The following LHFPL3 variants were observed in gnomAD, a reference collection of about 807,000 sequenced individuals.
LHFPL3 encodes LHFPL tetraspan subfamily member 3.
Under a neutral mutation model 19.3 loss-of-function variants are expected in LHFPL3, and 5 were observed. The ratio of observed to expected loss-of-function variants is 0.26; its 90% CI spans 0.14 to 0.54. The LOEUF (loss-of-function observed/expected upper bound fraction) is 0.54, where lower values mean the gene tolerates loss of function less well. Ranked by LOEUF, LHFPL3 falls within the 20% of genes least tolerant of loss-of-function variation. LHFPL3 has a pLI of 0.94. For missense variants in LHFPL3, 249 were observed against 307.4 expected, an observed-to-expected ratio of 0.81 and a Z score of 1.42; for synonymous variants, 133 against 126.2, an observed-to-expected ratio of 1.05 and a Z score of -0.36.
chr7:104,431,474 C>CTTGCTT (rs748853912), intron 1 of LHFPL3, among the ~76,000 whole-genome samples: 2 of 152,026 alleles, frequency 1.3e-5, no homozygotes, highest in Non-Finnish European at 2.9e-5. Flanking sequence ...TTCTTTGATC[C>CTTGCTT]TTGCTTTTTT....
chr7:104,759,389 A>T (rs1338091032), intron 2 of LHFPL3, among the ~76,000 whole-genome samples: 1 of 152,188 alleles, frequency 6.6e-6, no homozygotes, highest in Non-Finnish European at 1.5e-5. Flanking sequence ...AAAAAGGTGA[A>T]ATTAATTTTA....
intron 2 of LHFPL3, among the ~76,000 whole-genome samples, chr7:104,760,958 A>G (rs1028276615): frequency 1.0e-4 from 15 of 149,388 alleles, no homozygotes; most frequent in African/African-American, 3.2e-4. Context: ...TACTTTGTGC[A>G]TATCATGGAG....
rs1015957011 is a variant in LHFPL3 at position 104,749,260 on chromosome 7, T to C, written c.682+12349T>C. Among the ~76,000 whole-genome samples, 10 of 152,410 alleles carry C rather than the reference T, an allele frequency of 6.6e-5. 1 individual carries two copies. The South Asian group carries it at 2.1e-3, about 32-fold the overall frequency. On this transcript the variant is annotated intron_variant, in intron 2 of 2. Transcript: ENST00000424859. ...CCAGTCCTGCATTGGCAACCTCTGC[T>C]TGCAGAAATGTATAACAGTCAATTA...
At chr7:104,607,490 C>A (rs1791124450) in intron 1 of LHFPL3, among the ~76,000 whole-genome samples, 1 of 152,170 alleles carries the variant, frequency 6.6e-6, no homozygotes, top group African/African-American at 2.4e-5. Flanking sequence ...AAAGGCTTTG[C>A]AAAGCCCCTT....
At chr7:104,633,952 A>G (rs1791689346) in intron 1 of LHFPL3, among the ~76,000 whole-genome samples, 1 of 152,194 alleles carries the variant, frequency 6.6e-6, no homozygotes, top group South Asian at 2.1e-4. Context: ...GGTGTTGGAT[A>G]CAAAGACTTC....
intron 2 of LHFPL3, chr7:104,800,083 T>C (rs1790215284): frequency 6.6e-6 from 1 of 152,554 alleles, no homozygotes; most frequent in Non-Finnish European, 1.5e-5. Flanking sequence ...AAATTTAAAA[T>C]GTTACAAAGG....
chr7:104,384,080 A>G (rs1238686246), intron 1 of LHFPL3, among the ~76,000 whole-genome samples: 1 of 151,764 alleles, frequency 6.6e-6, no homozygotes, highest in African/African-American at 2.4e-5. Flanking sequence ...TTGGAGCAGG[A>G]TGAGTGGAGA....
intron 1 of LHFPL3, among the ~76,000 whole-genome samples, chr7:104,650,599 A>G (rs1792014070): frequency 1.3e-5 from 2 of 152,208 alleles, no homozygotes; most frequent in African/African-American, 4.8e-5. Context: ...ATTGTTTTTT[A>G]TTACACCTGA....
chr7:104,855,182 A>AGCGATACCGT, intron 2 of LHFPL3, among the ~76,000 whole-genome samples: 1 of 152,178 alleles, frequency 6.6e-6, no homozygotes, highest in Non-Finnish European at 1.5e-5. Flanking sequence ...AGGAGGGGAG[A>AGCGATACCGT]GCGATACCGT....
intron 2 of LHFPL3, chr7:104,738,665 A>G (rs984672416): frequency 6.6e-6 from 1 of 152,192 alleles, no homozygotes; most frequent in African/African-American, 2.4e-5. Flanking sequence ...ATGAGTGACA[A>G]TAATTCTCCC....
intron 1 of LHFPL3, among the ~76,000 whole-genome samples, chr7:104,650,214 T>C (rs1792006455): frequency 6.6e-6 from 1 of 152,052 alleles, no homozygotes; most frequent in Non-Finnish European, 1.5e-5. Flanking sequence ...ACAGAAGAAA[T>C]AGTATGTAGG....
At chr7:104,560,980 A>G (rs143405663) in intron 1 of LHFPL3, among the ~76,000 whole-genome samples, 28,346 of 149,542 alleles carry the variant, frequency 0.19, 3,036 homozygotes, top group Non-Finnish European at 0.24. Context: ...GTTTCCATGT[A>G]GTTGAGCAGT....
intron 1 of LHFPL3, among the ~76,000 whole-genome samples, chr7:104,494,731 A>G (rs143333622): frequency 7.2e-5 from 11 of 152,126 alleles, no homozygotes; most frequent in African/African-American, 2.4e-4. Context: ...TCATGGACCC[A>G]TACAAGAATT....
chr7:104,341,584 A>G (rs1452394120), intron 1 of LHFPL3, among the ~76,000 whole-genome samples: 2 of 152,230 alleles, frequency 1.3e-5, no homozygotes, highest in African/African-American at 4.8e-5. Context: ...AGTGAGCATC[A>G]CTGAGCCATC....
chr7:104,514,215 C>A (rs181099613), intron 1 of LHFPL3, among the ~76,000 whole-genome samples: 20 of 152,246 alleles, frequency 1.3e-4, no homozygotes, highest in African/African-American at 4.3e-4. Flanking sequence ...TCTCTCTCCA[C>A]CCAGCCCCCA....
chr7:104,397,028 G>GGTTGGATT (rs1791204672), intron 1 of LHFPL3, among the ~76,000 whole-genome samples: 1 of 152,042 alleles, frequency 6.6e-6, no homozygotes. Flanking sequence ...TATTTTGCTT[G>GGTTGGATT]GTTGGATTAA....
intron 1 of LHFPL3, among the ~76,000 whole-genome samples, chr7:104,557,423 A>G: frequency 6.6e-6 from 1 of 152,186 alleles, no homozygotes; most frequent in Non-Finnish European, 1.5e-5. Flanking sequence ...TGTCATTTTT[A>G]AAACCATCAG....
At chr7:104,550,199 G>C (rs1794641853) in intron 1 of LHFPL3, among the ~76,000 whole-genome samples, 1 of 151,906 alleles carries the variant, frequency 6.6e-6, no homozygotes, top group African/African-American at 2.4e-5. Flanking sequence ...TTAGGAATTT[G>C]CTTTACTCAA....
intron 1 of LHFPL3, among the ~76,000 whole-genome samples, chr7:104,349,864 AT>A: frequency 1.3e-5 from 2 of 152,146 alleles, no homozygotes; most frequent in Non-Finnish European, 2.9e-5. Flanking sequence ...TTGTTTCCCT[AT>A]TTTTTAATAC....
Sources: gnomAD v4.1 joint callset for allele counts (sites outside exome capture counted in the v4.1 genomes callset) on GRCh38, gnomAD v4.1.1 for gene constraint, MANE v1.5 for transcripts, NCBI Gene and HGNC (gene_info 2026-07-23, HGNC 2026-07-21) for gene names.